The following ACTR2 variants were observed in gnomAD, a reference collection of about 807,000 sequenced individuals.
ACTR2 encodes actin-related protein 2.
Under a neutral mutation model 50.2 loss-of-function variants are expected in ACTR2, and 5 were observed. The ratio of observed to expected loss-of-function variants is 0.10; its 90% CI spans 0.05 to 0.21. The LOEUF is 0.21. Among genes scored for constraint, ACTR2 ranks in the 10% least tolerant of loss-of-function variants. The pLI is 1.00. For synonymous variants in ACTR2, 140 were observed against 162.9 expected, an observed-to-expected ratio of 0.86 and a Z score of 1.07; for missense variants, 180 against 480.6, an observed-to-expected ratio of 0.37 and a Z score of 5.85.
intron 2 of ACTR2, chr2:65,242,114 G>C (rs1423813754): frequency 7.2e-5 from 98 of 1,369,430 alleles, no homozygotes; most frequent in Non-Finnish European, 3.1e-6. Context: ...TTGCTTGATG[G>C]GACAGTAGTT....
At chr2:65,250,902 A>G (rs186762404) in intron 3 of ACTR2, 125 bp from the exon 4 acceptor site, 44 of 528,284 alleles carry the variant, frequency 8.3e-5, no homozygotes, top group African/African-American at 7.5e-4. Flanking sequence ...TGAAAATGGA[A>G]GACTATTTCA....
chr2:65,261,540 C>T, intron 7 of ACTR2, 148 bp downstream of exon 7: 2 of 823,262 alleles, frequency 2.4e-6, no homozygotes, highest in Non-Finnish European at 3.6e-6. Flanking sequence ...GGAAAGGTTG[C>T]AAGAAAAATG....
chr2:65,251,208 A>C (rs749122802), intron 4 of ACTR2, 109 bp downstream of exon 4: 52 of 566,206 alleles, frequency 9.2e-5, no homozygotes, highest in Non-Finnish European at 1.5e-4. Context: ...AGAAAACTAC[A>C]TTATTTATAT....
chr2:65,270,502 T>G lies in ACTR2; in HGVS notation c.*1768T>G, dbSNP rs1293150233. 1 of 152,710 alleles carries G rather than the reference T, an allele frequency of 6.5e-6. No individual in the cohort carries two copies. Among genetic ancestry groups the G allele is most frequent in the East Asian group, 1.9e-4 (1 of 5,186 alleles). 9.5% of individuals were successfully genotyped at this position (152,710 alleles called of 1,614,324 possible). A position where few individuals can be genotyped will look rare whatever the true frequency, so the allele number is the denominator to read the frequency against. ...AGTCACTTTGGAATAAGTTCTTATATAAATACCCCCAGCCTTTTGAGAACG... is the reference window on the plus strand; with the variant it reads ...AGTCACTTTGGAATAAGTTCTTATAGAAATACCCCCAGCCTTTTGAGAACG... On this transcript the variant is annotated 3_prime_UTR_variant, in exon 9 of 9. Coordinates refer to ENST00000260641, the MANE Select transcript of ACTR2 (RefSeq NM_005722.4).
intron 1 of ACTR2, among the ~76,000 whole-genome samples, chr2:65,238,841 G>A (rs1321782351): frequency 6.6e-6 from 1 of 151,860 alleles, no homozygotes; most frequent in East Asian, 1.9e-4. Flanking sequence ...GGTGGTGGGT[G>A]CCTGTAATCC....
At chr2:65,264,899 C>G (rs764457750) in intron 7 of ACTR2, 144 bp from the exon 8 acceptor site, 125 of 882,206 alleles carry the variant, frequency 1.4e-4, no homozygotes, top group Middle Eastern at 1.4e-3. Context: ...GTAGTAATAA[C>G]AGCAAATATT....
At chr2:65,233,956 G>A (rs2103982008) in intron 1 of ACTR2, among the ~76,000 whole-genome samples, 1 of 151,708 alleles carries the variant, frequency 6.6e-6, no homozygotes, top group African/African-American at 2.4e-5. Flanking sequence ...AGGTGGGAGT[G>A]CAGTGGTACA....
intron 7 of ACTR2, 69 bp downstream of exon 7, chr2:65,261,461 A>G: frequency 7.2e-7 from 1 of 1,393,748 alleles, no homozygotes; most frequent in Non-Finnish European, 9.8e-7. Flanking sequence ...AAAGTTATTT[A>G]TCAGAAATAG....
At chr2:65,252,368 T>C (rs889087149) in intron 4 of ACTR2, among the ~76,000 whole-genome samples, 27 of 152,086 alleles carry the variant, frequency 1.8e-4, no homozygotes, top group Middle Eastern at 6.8e-3. Flanking sequence ...AGGCCGGGTG[T>C]GGTGGCTCAC....
At chr2:65,252,888 GC>G (rs1166104769) in intron 4 of ACTR2, among the ~76,000 whole-genome samples, 1 of 152,144 alleles carries the variant, frequency 6.6e-6, no homozygotes, top group Non-Finnish European at 1.5e-5. Flanking sequence ...GATCACTTGA[GC>G]CCAGGAGGTT....
chr2:65,235,140 T>G (rs539639247), intron 1 of ACTR2, among the ~76,000 whole-genome samples: 1 of 151,934 alleles, frequency 6.6e-6, no homozygotes, highest in Admixed American at 6.6e-5. Context: ...AAAGAGAGTT[T>G]GTGATTTGGG....
Position 65,270,256 on chromosome 2 carries a change from A to T in ACTR2, c.*1522A>T, listed in dbSNP as rs1672466440. 6.6e-6 allele frequency: 1 copy of T among 152,662 alleles called. No individual in the cohort carries two copies. The highest frequency in any genetic ancestry group is 2.1e-4 in the South Asian group (1 of 4,836). 9.5% of individuals were successfully genotyped at this position (152,662 alleles called of 1,614,324 possible). ...GAGGCTTAATTTGGGGGTGGTAACT[A>T]AAATCAAAAGAAATGATTGACTTGA... On this transcript the variant is annotated 3_prime_UTR_variant, in exon 9 of 9. Transcript: ENST00000260641.
chr2:65,243,578 A>T (rs1671881442), intron 2 of ACTR2, among the ~76,000 whole-genome samples: 1 of 152,106 alleles, frequency 6.6e-6, no homozygotes, highest in South Asian at 2.1e-4. Flanking sequence ...GCAGTGGGTG[A>T]TGACAGGGCC....
chr2:65,268,611 A>G lies in ACTR2; in HGVS notation c.1062A>G (p.Val354=), dbSNP rs759145997. Residue 354 remains valine (V), a synonymous_variant, in exon 9 of 9, where the codon GTA becomes GTG. Transcript: ENST00000260641. ...IEDPPRRKHM[V]FLGGAVLADI... is the part of the protein sequence containing the mutation. Reference sequence around the variant, plus strand: ...ACCCACCCCGCAGAAAGCACATGGTATTCCTGGGTGGTGCAGTTCTAGCGG... The same window carrying G: ...ACCCACCCCGCAGAAAGCACATGGTGTTCCTGGGTGGTGCAGTTCTAGCGG... 1.5e-5 allele frequency: 24 copies of G among 1,614,140 alleles called. No individual in the cohort carries two copies. Among genetic ancestry groups the G allele is most frequent in the Middle Eastern group, 1.6e-4 (1 of 6,062 alleles).
intron 1 of ACTR2, among the ~76,000 whole-genome samples, chr2:65,235,251 TTTCCTC>T (rs958034501): frequency 6.6e-5 from 10 of 152,152 alleles, no homozygotes; most frequent in Admixed American, 3.9e-4. Flanking sequence ...ATGTTATTCT[TTTCCTC>T]TGAGGTAGTT....
At chr2:65,253,652 C>T in intron 4 of ACTR2, 76 bp from the exon 5 acceptor site, 1 of 1,489,774 alleles carries the variant, frequency 6.7e-7, no homozygotes, top group Non-Finnish European at 9.2e-7. Flanking sequence ...TTTGGCTTCC[C>T]TACTGTATTT....
rs988045244 is a variant in ACTR2 at position 65,265,034 on chromosome 2, C to T, written c.882-9C>T. On this transcript the variant is annotated splice_polypyrimidine_tract_variant and intron_variant, in intron 7 of 8. Transcript: ENST00000260641. ...AAACTCCAAATGAATAACCATTGTG[C>T]CTTTCTAGATCTGAATTCTACAAAC... is the stretch of plus-strand genomic sequence containing the variant. The T allele has an allele frequency of 6.2e-7, 1 of 1,614,024 alleles. No homozygotes were observed. Among genetic ancestry groups the T allele is most frequent in the Non-Finnish European group, 8.5e-7 (1 of 1,179,948 alleles).
chr2:65,239,928 G>C lies in ACTR2; in HGVS notation c.125G>C (p.Arg42Thr). The stretch of plus-strand genomic sequence containing the variant: ...GCTTTGGTTGGAAGACCTATTATCA[G>C]ATCAACCACCAAAGTGGGAAACATT... ...FPALVGRPII[R>T]STTKVGNIEI... Residue 42 changes from arginine to threonine, a missense_variant, in exon 2 of 9, where the codon AGA (arginine) becomes ACA (threonine). Arg to Thr is a moderately conservative substitution (Grantham distance 71). Transcript: ENST00000260641. The C allele has an allele frequency of 1.2e-6, 2 of 1,612,292 alleles. No individual in the cohort carries two copies. Among genetic ancestry groups the C allele is most frequent in the Non-Finnish European group, 1.7e-6 (2 of 1,178,608 alleles).
intron 1 of ACTR2, among the ~76,000 whole-genome samples, chr2:65,229,849 G>C (rs1416276331): frequency 6.6e-6 from 1 of 151,874 alleles, no homozygotes; most frequent in Non-Finnish European, 1.5e-5. Context: ...CTATGGAAAC[G>C]TCTAAGATTT....
Sources: gnomAD v4.1 joint callset for allele counts (sites outside exome capture counted in the v4.1 genomes callset) on GRCh38, gnomAD v4.1.1 for gene constraint, MANE v1.5 for transcripts, NCBI Gene and HGNC (gene_info 2026-07-23, HGNC 2026-07-21) for gene names.